MARCHF1: variants seen among roughly 807,000 people sequenced by gnomAD.
The protein encoded by MARCHF1 is membrane associated ring-CH-type finger 1.
Under a neutral mutation model 54.2 loss-of-function variants are expected in MARCHF1, and 40 were observed. That is an observed-to-expected ratio of 0.74 (90% CI 0.57 to 0.96). The LOEUF is 0.96. Ranked by LOEUF, MARCHF1 falls within the 40% of genes least tolerant of loss-of-function variation. The probability of loss-of-function intolerance (pLI) is 0.00; values close to 1 mark genes in which losing one functional copy is unlikely to be tolerated. For synonymous variants in MARCHF1, 236 were observed against 236.3 expected (o/e 1.00, Z 0.01); for missense variants, 586 against 656.5 (o/e 0.89, Z 1.17).
At chr4:163,890,233 C>T (rs4574363) in intron 3 of MARCHF1, among the ~76,000 whole-genome samples, 128,914 of 152,086 alleles carry the variant, frequency 0.85, 57,057 homozygotes, top group Non-Finnish European at 0.97. Context: ...CACGCCCAGC[C>T]TCTTTATGTT....
At position 163,613,144 on chromosome 4, in the gene MARCHF1, TA is replaced by T. The variant is rs747832008; in HGVS notation, c.243-107del. The T allele has an allele frequency of 1.0e-4, 130 of 1,249,008 alleles. No homozygotes were observed. The South Asian group carries it at 2.0e-3, about 19-fold the overall frequency. The allele number at this position is 1,249,008 out of a possible 1,614,324, so 77.4% of individuals were successfully genotyped here. On this transcript the variant is annotated intron_variant, in intron 6 of 9. Transcript: ENST00000514618. ...AATGACAGCATGGACCAGAAGTAGA[TA>T]AATAAAGATCAACTGAAGAAAATGA...
intron 3 of MARCHF1, among the ~76,000 whole-genome samples, chr4:163,899,855 T>C (rs1432205352): frequency 6.6e-6 from 1 of 151,220 alleles, no homozygotes; most frequent in East Asian, 1.9e-4. Flanking sequence ...GGTTTTGCAG[T>C]ACTCCAAGCT....
At chr4:164,113,646 A>T (rs1332002293) in intron 1 of MARCHF1, among the ~76,000 whole-genome samples, 1 of 151,938 alleles carries the variant, frequency 6.6e-6, no homozygotes, top group Non-Finnish European at 1.5e-5. Context: ...AAAATCTAAT[A>T]AATAATTGTA....
At chr4:163,829,361 T>C (rs770954935) in intron 4 of MARCHF1, among the ~76,000 whole-genome samples, 4 of 152,188 alleles carry the variant, frequency 2.6e-5, no homozygotes, top group South Asian at 2.1e-4. Flanking sequence ...GGTACTGTTT[T>C]AGTTAATATA....
At chr4:163,763,723 G>C (rs900415073) in intron 4 of MARCHF1, among the ~76,000 whole-genome samples, 4 of 152,024 alleles carry the variant, frequency 2.6e-5, no homozygotes, top group Admixed American at 6.6e-5. Context: ...AGCAATGAAG[G>C]CTGTGGTAGT....
At chr4:164,163,191 C>A (rs115728204) in intron 1 of MARCHF1, among the ~76,000 whole-genome samples, 2 of 151,634 alleles carry the variant, frequency 1.3e-5, no homozygotes, top group Non-Finnish European at 2.9e-5. Flanking sequence ...AACTAAAATG[C>A]AAGCAAAATG....
At chr4:163,810,378 A>T (rs1748350378) in intron 4 of MARCHF1, among the ~76,000 whole-genome samples, 1 of 152,326 alleles carries the variant, frequency 6.6e-6, no homozygotes, top group South Asian at 2.1e-4. Flanking sequence ...TAACTTTCCC[A>T]TGATGTTTGT....
At chr4:163,766,615 A>T (rs1722431280) in intron 4 of MARCHF1, among the ~76,000 whole-genome samples, 1 of 152,172 alleles carries the variant, frequency 6.6e-6, no homozygotes, top group Non-Finnish European at 1.5e-5. Context: ...GTCTTTCACA[A>T]ATAAGGGAGA....
At chr4:163,748,475 C>A (rs1363236160) in intron 4 of MARCHF1, among the ~76,000 whole-genome samples, 1 of 151,468 alleles carries the variant, frequency 6.6e-6, no homozygotes, top group Non-Finnish European at 1.5e-5. Flanking sequence ...AAACTACAGT[C>A]ATACTGGGGA....
At chr4:163,788,794 G>A (rs1396731808) in intron 4 of MARCHF1, among the ~76,000 whole-genome samples, 2 of 152,004 alleles carry the variant, frequency 1.3e-5, no homozygotes, top group African/African-American at 4.8e-5. Context: ...TCTGTTAGAA[G>A]TGAGCCACTA....
chr4:163,921,806 GA>G, intron 3 of MARCHF1, among the ~76,000 whole-genome samples: 1 of 152,052 alleles, frequency 6.6e-6, no homozygotes, highest in East Asian at 1.9e-4. Flanking sequence ...TTGAAGTTGG[GA>G]AAAATTCTCA....
At chr4:163,576,268 T>C (rs1323081558) in intron 8 of MARCHF1, among the ~76,000 whole-genome samples, 1 of 152,114 alleles carries the variant, frequency 6.6e-6, no homozygotes, top group East Asian at 1.9e-4. Context: ...CAAAGAACTT[T>C]TGATTTCTGC....
At chr4:164,092,790 C>T (rs764233168) in intron 2 of MARCHF1, among the ~76,000 whole-genome samples, 10 of 152,082 alleles carry the variant, frequency 6.6e-5, no homozygotes, top group Non-Finnish European at 1.0e-4. Context: ...AAGAAAGTTA[C>T]GTTGACTGAT....
intron 5 of MARCHF1, among the ~76,000 whole-genome samples, chr4:163,646,366 G>T (rs886827513): frequency 2.6e-5 from 4 of 151,998 alleles, no homozygotes; most frequent in African/African-American, 4.8e-5. Flanking sequence ...CATTATATTT[G>T]CCTCATCAAA....
intron 1 of MARCHF1, chr4:164,190,120 G>A: frequency 1.3e-6 from 2 of 1,502,724 alleles, no homozygotes. Flanking sequence ...GAAAAGCTGG[G>A]AGGTAAACTT....
intron 5 of MARCHF1, among the ~76,000 whole-genome samples, chr4:163,670,603 A>C (rs369881115): frequency 3.4e-4 from 49 of 142,372 alleles, no homozygotes; most frequent in Middle Eastern, 3.5e-3. Flanking sequence ...TTCTCTCTCT[A>C]TATATTTTTT....
At chr4:163,998,690 G>A (rs1753128326) in intron 2 of MARCHF1, among the ~76,000 whole-genome samples, 1 of 151,550 alleles carries the variant, frequency 6.6e-6, no homozygotes, top group African/African-American at 2.4e-5. Flanking sequence ...GCTTCTATGA[G>A]TTCAACTTTG....
chr4:164,272,688 T>C (rs1733772100), intron 1 of MARCHF1, among the ~76,000 whole-genome samples: 1 of 151,932 alleles, frequency 6.6e-6, no homozygotes, highest in African/African-American at 2.4e-5. Flanking sequence ...AAAAAAATAG[T>C]ATCATATTCT....
intron 8 of MARCHF1, among the ~76,000 whole-genome samples, chr4:163,545,967 G>A (rs1029740514): frequency 2.6e-5 from 4 of 151,788 alleles, no homozygotes; most frequent in African/African-American, 9.7e-5. Context: ...GTGTGTGTGT[G>A]TGTGTGTGTG....
Sources: gnomAD v4.1 joint callset for allele counts (sites outside exome capture counted in the v4.1 genomes callset) on GRCh38, gnomAD v4.1.1 for gene constraint, MANE v1.5 for transcripts, NCBI Gene and HGNC (gene_info 2026-07-23, HGNC 2026-07-21) for gene names.